Variants in EPM2A observed in about 807,000 individuals in gnomAD.
The protein encoded by EPM2A is laforin.
In EPM2A, 21 loss-of-function variants were observed where a neutral mutation model predicts 26.5. The observed-to-expected ratio is 0.79, with a 90% confidence interval of 0.56 to 1.14. The LOEUF is 1.14. EPM2A is among the 50% of genes most tolerant of loss of function. The probability of loss-of-function intolerance (pLI) is 0.00; values close to 1 mark genes in which losing one functional copy is unlikely to be tolerated. For missense variants in EPM2A, 458 were observed against 440.8 expected (o/e 1.04, Z -0.35); for synonymous variants, 217 against 177.6 (o/e 1.22, Z -1.76).
intron 4 of EPM2A, among the ~76,000 whole-genome samples, chr6:145,459,071 C>A (rs1278049272): frequency 6.6e-6 from 1 of 152,068 alleles, no homozygotes. Context: ...AATTGCTCAC[C>A]ACTTATTAAA....
chr6:145,719,907 T>C (rs1775860268), intron 1 of EPM2A, among the ~76,000 whole-genome samples: 1 of 151,504 alleles, frequency 6.6e-6, no homozygotes, highest in Non-Finnish European at 1.5e-5. Flanking sequence ...CTCTTCTCAG[T>C]GGTTAATACC....
chr6:145,575,169 A>C (rs897552982), intron 2 of EPM2A, among the ~76,000 whole-genome samples: 1 of 152,158 alleles, frequency 6.6e-6, no homozygotes, highest in African/African-American at 2.4e-5. Context: ...AAAGGTGGAA[A>C]GGCTGATGGC....
At chr6:145,409,441 C>T (rs757536497) in intron 4 of EPM2A, among the ~76,000 whole-genome samples, 2 of 152,034 alleles carry the variant, frequency 1.3e-5, no homozygotes, top group Non-Finnish European at 2.9e-5. Context: ...CTTCCTTTTT[C>T]TAATTCCACA....
intron 2 of EPM2A, among the ~76,000 whole-genome samples, chr6:145,651,028 C>G (rs1425418334): frequency 6.6e-6 from 1 of 152,054 alleles, no homozygotes; most frequent in Non-Finnish European, 1.5e-5. Context: ...GGATAGCAAC[C>G]CTGATGAAAT....
At chr6:145,457,976 C>T (rs1340026168) in intron 4 of EPM2A, among the ~76,000 whole-genome samples, 1 of 152,142 alleles carries the variant, frequency 6.6e-6, no homozygotes, top group Admixed American at 6.5e-5. Context: ...TCAGCAATGC[C>T]TTTCATATAA....
At chr6:145,684,001 T>C (rs894978619) in intron 2 of EPM2A, among the ~76,000 whole-genome samples, 1 of 151,984 alleles carries the variant, frequency 6.6e-6, no homozygotes, top group Non-Finnish European at 1.5e-5. Flanking sequence ...AAAAGTATAG[T>C]TCCAGTAAGA....
intron 4 of EPM2A, among the ~76,000 whole-genome samples, chr6:145,458,151 T>G (rs1383402071): frequency 2.0e-5 from 3 of 152,210 alleles, no homozygotes; most frequent in Non-Finnish European, 4.4e-5. Flanking sequence ...ATGTTTTACT[T>G]AAGTATATGT....
chr6:145,408,580 G>A (rs1274170728), intron 4 of EPM2A, among the ~76,000 whole-genome samples: 1 of 152,056 alleles, frequency 6.6e-6, no homozygotes, highest in Non-Finnish European at 1.5e-5. Context: ...CCACTTAAGT[G>A]GGCCTTCTCA....
upstream of EPM2A, chr6:145,735,537 C>G: frequency 2.6e-6 from 3 of 1,162,786 alleles, no homozygotes; most frequent in Non-Finnish European, 3.2e-6. Context: ...GCCCGGAGTC[C>G]CCGCGGCCGG....
rs1478454558 is a variant in EPM2A at position 145,546,914 on chromosome 6, C to T, written c.341-44339G>A. Among the ~76,000 whole-genome samples, 3 of 152,060 alleles carry T rather than the reference C, an allele frequency of 2.0e-5. No homozygotes were observed. In the East Asian group the frequency reaches 5.8e-4, roughly 29 times the overall value. ...GCCCTGTGTTTACATCTTAGCTCTG[C>T]CATTTAGTAGCTGTGTAGGTCAATA... On this transcript the variant is annotated intron_variant, in intron 2 of 3. Coordinates refer to the EPM2A transcript ENST00000450221.
intron 4 of EPM2A, among the ~76,000 whole-genome samples, chr6:145,425,557 G>T (rs1778844134): frequency 6.7e-6 from 1 of 149,420 alleles, no homozygotes; most frequent in Non-Finnish European, 1.5e-5. Context: ...AAGACTATTG[G>T]AATAGTTTGC....
At chr6:145,472,920 A>G (rs1779494815) in intron 4 of EPM2A, among the ~76,000 whole-genome samples, 1 of 152,090 alleles carries the variant, frequency 6.6e-6, no homozygotes, top group African/African-American at 2.4e-5. Flanking sequence ...AGCCTTCCCA[A>G]AAGGACAGCT....
At chr6:145,472,640 G>C (rs912439218) in intron 4 of EPM2A, among the ~76,000 whole-genome samples, 7 of 152,086 alleles carry the variant, frequency 4.6e-5, no homozygotes, top group African/African-American at 1.7e-4. Context: ...ACTCCTCATG[G>C]CCTAGGGTGG....
chr6:145,463,557 T>C (rs1218034624), intron 4 of EPM2A, among the ~76,000 whole-genome samples: 1 of 149,392 alleles, frequency 6.7e-6, no homozygotes, highest in African/African-American at 2.6e-5. Context: ...CAATTTACTT[T>C]TTCCACTTTT....
rs1310420299 is a variant in EPM2A, at chr6:145,626,459, C to T, written c.*957G>A. ...CATCATGTTTTTAAATTAGCTTGCA[C>T]AAAATACAACTAATTTCCTAGATTC... On this transcript the variant is annotated 3_prime_UTR_variant, in exon 4 of 4. Coordinates refer to ENST00000367519, the MANE Select transcript of EPM2A (RefSeq NM_005670.4). 1 of 985,758 alleles carries T rather than the reference C, an allele frequency of 1.0e-6. No homozygotes were observed. Among genetic ancestry groups the T allele is most frequent in the East Asian group, 1.1e-4 (1 of 8,828 alleles). The allele number at this position is 985,758 out of a possible 1,614,324, so 61.1% of individuals were successfully genotyped here. A position where few individuals can be genotyped will look rare whatever the true frequency, so the allele number is the denominator to read the frequency against.
At chr6:145,449,577 G>C (rs1779170665) in intron 4 of EPM2A, among the ~76,000 whole-genome samples, 1 of 152,148 alleles carries the variant, frequency 6.6e-6, no homozygotes, top group Non-Finnish European at 1.5e-5. Flanking sequence ...AAGCCCATGG[G>C]GAAAGAGCTT....
At chr6:145,672,199 A>C (rs976559382) in intron 2 of EPM2A, among the ~76,000 whole-genome samples, 11 of 152,196 alleles carry the variant, frequency 7.2e-5, no homozygotes, top group Non-Finnish European at 1.2e-4. Context: ...ATATTTATTG[A>C]GCTATTTACC....
At chr6:145,409,901 C>T (rs1778621275) in intron 4 of EPM2A, among the ~76,000 whole-genome samples, 1 of 152,206 alleles carries the variant, frequency 6.6e-6, no homozygotes, top group Non-Finnish European at 1.5e-5. Flanking sequence ...GATGACATGT[C>T]TTCCAAGTGA....
intron 4 of EPM2A, among the ~76,000 whole-genome samples, chr6:145,398,126 G>A (rs1051939471): frequency 6.6e-6 from 1 of 151,304 alleles, no homozygotes; most frequent in Non-Finnish European, 1.5e-5. Context: ...TTTGCACCAT[G>A]TTGAGATAGG....
Sources: allele counts gnomAD v4.1 joint callset (sites outside exome capture counted in the v4.1 genomes callset), GRCh38; gene constraint gnomAD v4.1.1; transcripts MANE v1.5; gene names NCBI Gene and HGNC (gene_info 2026-07-23, HGNC 2026-07-21).